IL1RAP: variants seen among roughly 807,000 people sequenced by gnomAD.
IL1RAP encodes the protein interleukin 1 receptor accessory protein, also known as interleukin-1 receptor accessory protein.
In IL1RAP, 35 loss-of-function variants were observed where a neutral mutation model predicts 60.7. The ratio of observed to expected loss-of-function variants is 0.58; its 90% CI spans 0.44 to 0.76. The LOEUF is 0.76. Among genes scored for constraint, IL1RAP ranks in the 30% least tolerant of loss-of-function variants. IL1RAP has a pLI of 0.00. For missense variants in IL1RAP, 572 were observed against 693.9 expected, an observed-to-expected ratio of 0.82 and a Z score of 1.97; for synonymous variants, 268 against 250.9, an observed-to-expected ratio of 1.07 and a Z score of -0.64.
intron 2 of IL1RAP, among the ~76,000 whole-genome samples, chr3:190,560,347 G>A (rs1291148053): frequency 6.6e-6 from 1 of 152,198 alleles, no homozygotes; most frequent in East Asian, 1.9e-4. Flanking sequence ...TCAAAAGTGC[G>A]AATGGTCGTA....
intron 3 of IL1RAP, among the ~76,000 whole-genome samples, chr3:190,595,082 T>C (rs1205651429): frequency 1.3e-5 from 2 of 151,996 alleles, no homozygotes; most frequent in East Asian, 3.9e-4. Context: ...CCTTCACTCA[T>C]CACCTTTCAA....
Position 190,604,318 on chromosome 3 carries a change from C to T in IL1RAP, c.255C>T (p.Phe85=). Residue 85 remains phenylalanine (F), a synonymous_variant, in exon 4 of 12, where the codon TTC becomes TTT. Coordinates refer to ENST00000447382, the MANE Select transcript of IL1RAP (RefSeq NM_002182.4). ...GGGACCTTGAGGAGCCAATTAACTT[C>T]CGCCTCCCCGAGAACCGCATTAGTA... ...QDRDLEEPIN[F]RLPENRISKE... is the part of the protein sequence containing the mutation. 1 of 1,613,890 alleles carries T rather than the reference C, an allele frequency of 6.2e-7. No individual in the cohort carries two copies. The highest frequency in any genetic ancestry group is 8.5e-7 in the Non-Finnish European group (1 of 1,179,954).
At chr3:190,652,457 G>GA (rs10631058), downstream of IL1RAP, among the ~76,000 whole-genome samples, 2,413 of 134,840 alleles carry the variant, frequency 0.018, 32 homozygotes, top group African/African-American at 0.045. Flanking sequence ...CGAGACTTCA[G>GA]AAAAAAAAAA....
intron 1 of IL1RAP, among the ~76,000 whole-genome samples, chr3:190,551,463 A>T (rs896862620): frequency 2.0e-5 from 3 of 152,266 alleles, no homozygotes; most frequent in Non-Finnish European, 4.4e-5. Flanking sequence ...TCTTCACAGG[A>T]GGATACTTAC....
At position 190,649,559 on chromosome 3, in the gene IL1RAP, A is replaced by AT; in HGVS notation, c.*859dup. ...GGTAACAGAAAGACTCTTTTAGGGC[A>AT]TTTTTCTGACTCATGAAAAGAGCAC... On this transcript the variant is annotated 3_prime_UTR_variant, in exon 12 of 12. Transcript: ENST00000447382. 2 of 985,756 alleles carry AT rather than the reference A, an allele frequency of 2.0e-6. No homozygotes were observed. The highest frequency in any genetic ancestry group is 2.4e-6 in the Non-Finnish European group (2 of 829,880). The allele number at this position is 985,756 out of a possible 1,614,324, so 61.1% of individuals were successfully genotyped here. A position where few individuals can be genotyped will look rare whatever the true frequency, so the allele number is the denominator to read the frequency against.
At position 190,571,718 on chromosome 3, in the gene IL1RAP, C is replaced by T. The variant is rs542076420; in HGVS notation, c.64+7365C>T. On this transcript the variant is annotated intron_variant, in intron 3 of 11. Coordinates refer to ENST00000447382, the MANE Select transcript of IL1RAP (RefSeq NM_002182.4). ...TTGGAGTGAGAAGACTTTAGATTCA[C>T]TGTTATCACTTTAAAGCAAGCTTGT... Among the ~76,000 whole-genome samples, 17 of 152,330 alleles carry T rather than the reference C, an allele frequency of 1.1e-4. No individual in the cohort carries two copies. In the South Asian group the frequency reaches 1.7e-3, roughly 15 times the overall value.
At chr3:190,609,268 G>T (rs1485866225) in intron 5 of IL1RAP, 87 bp downstream of exon 5, 1 of 916,106 alleles carries the variant, frequency 1.1e-6, no homozygotes, top group Non-Finnish European at 1.6e-6. Flanking sequence ...ATAAGCAAAG[G>T]TGTTTCTCTT....
intron 3 of IL1RAP, among the ~76,000 whole-genome samples, chr3:190,599,647 G>C (rs1729682759): frequency 6.7e-6 from 1 of 148,900 alleles, no homozygotes; most frequent in Non-Finnish European, 1.5e-5. Flanking sequence ...TCAGTTCTCA[G>C]ATTTTGTTTT....
chr3:190,627,568 C>T (rs1014544030), intron 8 of IL1RAP, 119 bp downstream of exon 8: 52 of 1,303,196 alleles, frequency 4.0e-5, no homozygotes, highest in Middle Eastern at 2.2e-4. Flanking sequence ...TAACAAAAAT[C>T]GGCAAGATTT....
At chr3:190,544,120 T>C (rs1351538947) in intron 1 of IL1RAP, among the ~76,000 whole-genome samples, 1 of 152,200 alleles carries the variant, frequency 6.6e-6, no homozygotes, top group African/African-American at 2.4e-5. Flanking sequence ...AGCAGAACAA[T>C]TGAAAATAAT....
intron 3 of IL1RAP, among the ~76,000 whole-genome samples, chr3:190,601,151 A>C (rs9832568): frequency 0.082 from 12,471 of 151,956 alleles, 575 homozygotes; most frequent in African/African-American, 0.11. Flanking sequence ...TGCCTGGCTA[A>C]TTTTTGTATT....
downstream of IL1RAP, among the ~76,000 whole-genome samples, chr3:190,654,006 C>G (rs141071096): frequency 6.6e-6 from 1 of 152,238 alleles, no homozygotes; most frequent in African/African-American, 2.4e-5. Context: ...GCATTGTCCT[C>G]TTTCAAATCT....
intron 1 of IL1RAP, among the ~76,000 whole-genome samples, chr3:190,524,988 A>G (rs1487547916): frequency 7.5e-6 from 1 of 133,116 alleles, no homozygotes; most frequent in Non-Finnish European, 1.8e-5. Context: ...ATGTCTATGT[A>G]CATATATATA....
chr3:190,616,425 T>TC (rs1731274917), intron 5 of IL1RAP, among the ~76,000 whole-genome samples: 1 of 152,126 alleles, frequency 6.6e-6, no homozygotes, highest in African/African-American at 2.4e-5. Context: ...TTTGTGGTTT[T>TC]TTTTTTTCTG....
intron 1 of IL1RAP, among the ~76,000 whole-genome samples, chr3:190,547,082 G>GT (rs762952367): frequency 7.9e-5 from 12 of 152,118 alleles, no homozygotes; most frequent in Non-Finnish European, 1.5e-4. Flanking sequence ...CTGTTTTTTT[G>GT]TAAGTAGCTG....
At chr3:190,616,871 C>T (rs1731324289) in intron 5 of IL1RAP, among the ~76,000 whole-genome samples, 1 of 152,158 alleles carries the variant, frequency 6.6e-6, no homozygotes, top group Non-Finnish European at 1.5e-5. Context: ...AAGTTTCCGA[C>T]CACGCAGATA....
At position 190,615,061 on chromosome 3, in the gene IL1RAP, CTTT is replaced by C. The variant is rs3836445; in HGVS notation, c.538-5206_538-5204del. 1.0e-3 allele frequency among the ~76,000 whole-genome samples: 153 copies of C among 149,740 alleles called. 1 individual carries two copies. The East Asian group carries it at 0.015, about 15-fold the overall frequency. Reference sequence around the variant, plus strand: ...CCTCCACATGCCTTCTCTTTCTCCTCTTTTTTTTTTCTGCATGGCGGAAAAAAA... The same window carrying C: ...CCTCCACATGCCTTCTCTTTCTCCTCTTTTTTTCTGCATGGCGGAAAAAAA... On this transcript the variant is annotated intron_variant, in intron 5 of 11. Coordinates refer to ENST00000447382, the MANE Select transcript of IL1RAP (RefSeq NM_002182.4).
At chr3:190,638,525 T>G (rs77901184) in intron 9 of IL1RAP, among the ~76,000 whole-genome samples, 2 of 152,178 alleles carry the variant, frequency 1.3e-5, no homozygotes, top group African/African-American at 4.8e-5. Flanking sequence ...GTCAGACACA[T>G]GTTTTGCAAA....
chr3:190,598,624 A>G (rs1318242361), intron 3 of IL1RAP, among the ~76,000 whole-genome samples: 3 of 152,122 alleles, frequency 2.0e-5, no homozygotes, highest in Admixed American at 2.0e-4. Flanking sequence ...TTTCTGCCTT[A>G]ACTATCCTCA....
Sources: allele counts gnomAD v4.1 joint callset (sites outside exome capture counted in the v4.1 genomes callset), GRCh38; gene constraint gnomAD v4.1.1; transcripts MANE v1.5; gene names NCBI Gene and HGNC (gene_info 2026-07-23, HGNC 2026-07-21).